Variants in ADCY2 observed in about 807,000 individuals in gnomAD.
ADCY2 encodes the protein adenylate cyclase type 2.
In ADCY2, 31 loss-of-function variants were observed where a neutral mutation model predicts 125.2. That is an observed-to-expected ratio of 0.25 (90% confidence interval 0.19 to 0.33). The LOEUF is 0.33. Among genes scored for constraint, ADCY2 ranks in the 10% least tolerant of loss-of-function variants. The pLI is 1.00. For missense variants in ADCY2, 904 were observed against 1,418.2 expected (o/e 0.64, Z 5.82); for synonymous variants, 512 against 548.4 (o/e 0.93, Z 0.93).
rs1163339442 is a variant in ADCY2, at chr5:7,498,277, C to G, written c.409-22461C>G. Among the ~76,000 whole-genome samples, 3 of 108,230 alleles carry G rather than the reference C, an allele frequency of 2.8e-5. No homozygotes were observed. In the East Asian group the frequency reaches 9.6e-4, roughly 35 times the overall value. The allele number at this position is 108,230 out of a possible 152,430, so 71.0% of individuals were successfully genotyped here. On this transcript the variant is annotated intron_variant, in intron 2 of 24. Coordinates refer to ENST00000338316, the MANE Select transcript of ADCY2 (RefSeq NM_020546.3). ...TTTTTTTTTTTTTTTAAGACAGAGT[C>G]TCGCTCTATCGCCCAGGCTGGGGTG...
intron 3 of ADCY2, among the ~76,000 whole-genome samples, chr5:7,521,195 T>C (rs764057954): frequency 6.6e-6 from 1 of 152,220 alleles, no homozygotes; most frequent in Non-Finnish European, 1.5e-5. Flanking sequence ...GGTCAAAAGG[T>C]GTTCTTATAT....
chr5:7,617,824 A>G (rs1946466), intron 3 of ADCY2, among the ~76,000 whole-genome samples: 1 of 152,208 alleles, frequency 6.6e-6, no homozygotes, highest in East Asian at 1.9e-4. Context: ...ACCTTTCAGC[A>G]TTTGATTCTA....
chr5:7,455,576 TAAC>T lies in ADCY2; in HGVS notation c.408+40808_408+40810del, dbSNP rs1334234305. Among the ~76,000 whole-genome samples, 8 of 149,844 alleles carry T rather than the reference TAAC, an allele frequency of 5.3e-5. No homozygotes were observed. In the East Asian group the frequency reaches 1.4e-3, roughly 25 times the overall value. ...ACATGTAGGAATATAATGAATATAA[TAAC>T]ATAAAAATGTACATATTATAATTAT... On this transcript the variant is annotated intron_variant, in intron 2 of 24. Transcript: ENST00000338316.
intron 1 of ADCY2, among the ~76,000 whole-genome samples, chr5:7,397,473 T>TTTTTC (rs1313482396): frequency 6.8e-6 from 1 of 147,976 alleles, no homozygotes; most frequent in Non-Finnish European, 1.5e-5. Flanking sequence ...TTTTTTTTTT[T>TTTTTC]AGTCAGTGGT....
chr5:7,455,915 G>T (rs528462542), intron 2 of ADCY2, among the ~76,000 whole-genome samples: 1 of 147,664 alleles, frequency 6.8e-6, no homozygotes, highest in African/African-American at 2.5e-5. Context: ...TAATATATAA[G>T]CTATATAAGT....
At chr5:7,458,390 GTTAT>G (rs1741787891) in intron 2 of ADCY2, among the ~76,000 whole-genome samples, 1 of 152,128 alleles carries the variant, frequency 6.6e-6, no homozygotes, top group African/African-American at 2.4e-5. Context: ...TTAACTTGCA[GTTAT>G]TTAGTTATTT....
intron 3 of ADCY2, among the ~76,000 whole-genome samples, chr5:7,537,462 A>G (rs9313195): frequency 0.53 from 79,805 of 152,004 alleles, 23,447 homozygotes; most frequent in Non-Finnish European, 0.67. Flanking sequence ...CAGCCTTTCA[A>G]TGGAGACCCA....
intron 18 of ADCY2, among the ~76,000 whole-genome samples, chr5:7,778,443 A>T (rs1743811532): frequency 6.6e-6 from 1 of 152,228 alleles, no homozygotes; most frequent in Admixed American, 6.5e-5. Context: ...TCTGTGCTGG[A>T]ACTTTAGCCC....
chr5:7,439,883 A>C (rs1322206319), intron 2 of ADCY2, among the ~76,000 whole-genome samples: 1 of 141,726 alleles, frequency 7.1e-6, no homozygotes, highest in East Asian at 2.0e-4. Flanking sequence ...GGAGGGAGTG[A>C]AGGAGTTTAC....
intron 3 of ADCY2, among the ~76,000 whole-genome samples, chr5:7,584,654 A>G (rs1324545281): frequency 6.6e-6 from 1 of 152,182 alleles, no homozygotes. Context: ...TAAAAAAATT[A>G]TGGTGGGTCA....
chr5:7,679,163 G>A (rs965838909), intron 4 of ADCY2, among the ~76,000 whole-genome samples: 2 of 152,318 alleles, frequency 1.3e-5, no homozygotes, highest in Non-Finnish European at 2.9e-5. Flanking sequence ...GGTGGGGAGG[G>A]CATCCTTAGG....
chr5:7,698,490 A>G (rs1184436427), intron 7 of ADCY2, 116 bp downstream of exon 7: 2 of 1,040,030 alleles, frequency 1.9e-6, no homozygotes, highest in Non-Finnish European at 2.9e-6. Context: ...TCCTGCACCC[A>G]TCAACTCATC....
chr5:7,624,467 T>G (rs1738058952), intron 3 of ADCY2, among the ~76,000 whole-genome samples: 1 of 152,204 alleles, frequency 6.6e-6, no homozygotes, highest in Non-Finnish European at 1.5e-5. Context: ...ACTGCTTGGC[T>G]GAGAATGCAG....
At chr5:7,646,018 A>C (rs1355922206) in intron 4 of ADCY2, among the ~76,000 whole-genome samples, 1 of 152,232 alleles carries the variant, frequency 6.6e-6, no homozygotes, top group Non-Finnish European at 1.5e-5. Flanking sequence ...GCAAATGTGG[A>C]TTCAGAAAAT....
At chr5:7,758,996 G>A (rs1234040665) in intron 16 of ADCY2, among the ~76,000 whole-genome samples, 1 of 152,218 alleles carries the variant, frequency 6.6e-6, no homozygotes, top group Non-Finnish European at 1.5e-5. Flanking sequence ...AGATTCAGGT[G>A]AGGGTGATGC....
Position 7,709,399 on chromosome 5 carries a change from C to A in ADCY2, c.1578+12C>A, listed in dbSNP as rs571862881. On this transcript the variant is annotated intron_variant, in intron 10 of 24. Transcript: ENST00000338316. This position sits in a 1 kb window ranked among gnomAD's most constrained non-coding sequence, Gnocchi z 4.4. ...AGATCAGCACCACGGTATGCCCTCC[C>A]CTGCCTCCAATGCCTGAGCACTGGG... 2.1e-4 allele frequency: 334 copies of A among 1,560,018 alleles called. 1 individual carries two copies. The South Asian group carries it at 3.7e-3, about 17-fold the overall frequency.
intron 4 of ADCY2, among the ~76,000 whole-genome samples, chr5:7,647,619 C>T (rs1260548060): frequency 6.6e-6 from 1 of 152,232 alleles, no homozygotes; most frequent in South Asian, 2.1e-4. Flanking sequence ...GTTCAATGCT[C>T]GTTGACACAT....
At chr5:7,702,740 C>A (rs1234529420) in intron 7 of ADCY2, among the ~76,000 whole-genome samples, 3 of 152,198 alleles carry the variant, frequency 2.0e-5, no homozygotes, top group African/African-American at 7.2e-5. Context: ...TGGGTACATA[C>A]CCAGTAATGG....
chr5:7,589,622 C>T (rs1000470252), intron 3 of ADCY2, among the ~76,000 whole-genome samples: 1 of 152,036 alleles, frequency 6.6e-6, no homozygotes, highest in South Asian at 2.1e-4. Context: ...GTAAGGAAGA[C>T]ATTTCTAAGT....
Sources: gnomAD v4.1 joint callset for allele counts (sites outside exome capture counted in the v4.1 genomes callset) on GRCh38, gnomAD v4.1.1 for gene constraint, Gnocchi (gnomAD v3.1) non-coding constraint, MANE v1.5 for transcripts, NCBI Gene and HGNC (gene_info 2026-07-23, HGNC 2026-07-21) for gene names.